The following GPR158 variants were observed in gnomAD, a reference collection of about 807,000 sequenced individuals.
GPR158 encodes the protein metabotropic glycine receptor.
In GPR158, 30 loss-of-function variants were observed where a neutral mutation model predicts 78.2. That is an observed-to-expected ratio of 0.38 (90% CI 0.29 to 0.52). The LOEUF (loss-of-function observed/expected upper bound fraction) is 0.52. Ranked by LOEUF, GPR158 falls within the 20% of genes least tolerant of loss-of-function variation. The pLI is 0.83. For missense variants in GPR158, 1,463 were observed against 1,523.5 expected (o/e 0.96, Z 0.66); for synonymous variants, 581 against 591.1 (o/e 0.98, Z 0.25).
chr10:25,240,711 A>G (rs1245252368), intron 2 of GPR158, among the ~76,000 whole-genome samples: 1 of 152,254 alleles, frequency 6.6e-6, no homozygotes, highest in Non-Finnish European at 1.5e-5. Flanking sequence ...TTGGATTCTT[A>G]TGTAATAAGA....
At chr10:25,253,817 A>G (rs930744524) in intron 2 of GPR158, among the ~76,000 whole-genome samples, 12 of 152,210 alleles carry the variant, frequency 7.9e-5, no homozygotes, top group African/African-American at 2.7e-4. Context: ...GAAGAAAATT[A>G]TAAAATTTGC....
chr10:25,577,898 A>G (rs1291663953), intron 7 of GPR158, among the ~76,000 whole-genome samples: 1 of 152,222 alleles, frequency 6.6e-6, no homozygotes, highest in East Asian at 1.9e-4. Flanking sequence ...AAGGATAAAG[A>G]CATTGCTACA....
intron 7 of GPR158, among the ~76,000 whole-genome samples, chr10:25,575,066 CAA>C (rs143994163): frequency 6.6e-5 from 8 of 121,134 alleles, no homozygotes; most frequent in Admixed American, 8.6e-5. Context: ...GACTCCATCT[CAA>C]AAAAAAAAAA....
At chr10:25,556,981 A>G (rs1836794518) in intron 6 of GPR158, among the ~76,000 whole-genome samples, 1 of 152,218 alleles carries the variant, frequency 6.6e-6, no homozygotes, top group Non-Finnish European at 1.5e-5. Context: ...TTTGAGATGA[A>G]GATTTAAGGT....
intron 4 of GPR158, among the ~76,000 whole-genome samples, chr10:25,430,179 C>T (rs1834880890): frequency 1.3e-5 from 2 of 152,270 alleles, no homozygotes; most frequent in Admixed American, 1.3e-4. Flanking sequence ...GATACAAAAT[C>T]AACATGCAAA....
At chr10:25,563,196 T>A (rs1836880677) in intron 6 of GPR158, among the ~76,000 whole-genome samples, 1 of 152,214 alleles carries the variant, frequency 6.6e-6, no homozygotes, top group African/African-American at 2.4e-5. Context: ...AGTTGGATCA[T>A]CTTTTTAAAA....
chr10:25,351,423 GT>G (rs1564429727), intron 2 of GPR158, among the ~76,000 whole-genome samples: 1 of 148,378 alleles, frequency 6.7e-6, no homozygotes, highest in Non-Finnish European at 1.5e-5. Context: ...GGGAACTGGA[GT>G]TGGGGGTGGG....
At chr10:25,212,002 TACTTAA>T (rs777520769) in intron 1 of GPR158, among the ~76,000 whole-genome samples, 17 of 152,352 alleles carry the variant, frequency 1.1e-4, no homozygotes, top group Middle Eastern at 3.4e-3. Context: ...TTTATTATTC[TACTTAA>T]ACTTAAGCTA....
chr10:25,337,054 A>G (rs1855218924), intron 2 of GPR158, among the ~76,000 whole-genome samples: 1 of 152,154 alleles, frequency 6.6e-6, no homozygotes, highest in African/African-American at 2.4e-5. Context: ...TTAACATTTT[A>G]TACAGAATAT....
chr10:25,313,972 G>A (rs1854807671), intron 2 of GPR158, among the ~76,000 whole-genome samples: 1 of 152,026 alleles, frequency 6.6e-6, no homozygotes, highest in Admixed American at 6.5e-5. Flanking sequence ...GCACTTTTTG[G>A]TTTGGCAATT....
chr10:25,597,386 T>G (rs947378647), intron 10 of GPR158, among the ~76,000 whole-genome samples: 3 of 152,212 alleles, frequency 2.0e-5, no homozygotes, highest in Non-Finnish European at 4.4e-5. Context: ...TCCTCACAAC[T>G]TGAATGTACA....
intron 2 of GPR158, among the ~76,000 whole-genome samples, chr10:25,241,125 T>TTTTC (rs752386158): frequency 0.065 from 7,051 of 108,122 alleles, 284 homozygotes; most frequent in Middle Eastern, 0.084. Flanking sequence ...TTTACTTTGA[T>TTTTC]TTTCTTTCTT....
In GPR158 at chr10:25,589,099, G is replaced by A. The variant is rs766685155; in HGVS notation, c.1846G>A (p.Ala616Thr). ...AFHEPRYMAV[A>T]VHNELIISAI... ...CCATGAGCCCCGCTATATGGCTGTT[G>A]CAGTTCACAATGAGCTCATCATCTC... Residue 616 changes from alanine (A) to threonine (T), a missense_variant, in exon 8 of 11, where the codon GCA (alanine) becomes ACA (threonine). Coordinates refer to ENST00000376351, the MANE Select transcript of GPR158 (RefSeq NM_020752.3). 8.7e-6 allele frequency: 14 copies of A among 1,612,360 alleles called. No individual in the cohort carries two copies. Among genetic ancestry groups the A allele is most frequent in the Non-Finnish European group, 1.2e-5 (14 of 1,178,806 alleles).
chr10:25,378,223 A>G (rs1328427578), intron 2 of GPR158, among the ~76,000 whole-genome samples: 2 of 152,198 alleles, frequency 1.3e-5, no homozygotes, highest in African/African-American at 4.8e-5. Context: ...TGCTCTTTCA[A>G]TCACCAACTT....
intron 2 of GPR158, among the ~76,000 whole-genome samples, chr10:25,381,482 G>T (rs1171055905): frequency 6.6e-6 from 1 of 152,134 alleles, no homozygotes; most frequent in Non-Finnish European, 1.5e-5. Flanking sequence ...TAATAATGAG[G>T]AACGTTGCTA....
At position 25,596,664 on chromosome 10, in the gene GPR158, C is replaced by T. The variant is rs1837412047; in HGVS notation, c.2020C>T (p.Pro674Ser). 1 of 1,612,940 alleles carries T rather than the reference C, an allele frequency of 6.2e-7. No individual in the cohort carries two copies. The highest frequency in any genetic ancestry group is 1.7e-5 in the Admixed American group (1 of 59,926). ...TCAGTTTTCACATTCAAGCAATAAC[C>T]CACGAGATGATATTGCTACAGAAGC... is the stretch of plus-strand genomic sequence containing the variant. ...IPKFSHSSNN[P>S]RDDIATEAYE... Residue 674 changes from proline to serine, a missense_variant, in exon 10 of 11, where the codon CCA (proline) becomes TCA (serine). Pro to Ser is a moderately conservative substitution (Grantham distance 74, BLOSUM62 -1). Coordinates refer to ENST00000376351, the MANE Select transcript of GPR158 (RefSeq NM_020752.3).
chr10:25,389,197 A>T (rs1834260697), intron 2 of GPR158, among the ~76,000 whole-genome samples: 1 of 152,154 alleles, frequency 6.6e-6, no homozygotes, highest in South Asian at 2.1e-4. Flanking sequence ...AGACCTGTCC[A>T]TGGCCACCCA....
At chr10:25,566,151 T>A (rs763207196) in intron 6 of GPR158, among the ~76,000 whole-genome samples, 1 of 152,106 alleles carries the variant, frequency 6.6e-6, no homozygotes, top group Non-Finnish European at 1.5e-5. Flanking sequence ...GGAATTGGAA[T>A]TGGGAGCATA....
At chr10:25,207,444 G>A (rs151161355) in intron 1 of GPR158, among the ~76,000 whole-genome samples, 27 of 152,242 alleles carry the variant, frequency 1.8e-4, no homozygotes, top group African/African-American at 4.6e-4. Flanking sequence ...TTTTTCCATC[G>A]ATGGTGGGGA....
Sources: gnomAD v4.1 joint callset for allele counts (sites outside exome capture counted in the v4.1 genomes callset) on GRCh38, gnomAD v4.1.1 for gene constraint, MANE v1.5 for transcripts, NCBI Gene and HGNC (gene_info 2026-07-23, HGNC 2026-07-21) for gene names.